The following RIT2 variants were observed in gnomAD, a reference collection of about 807,000 sequenced individuals.
The protein encoded by RIT2 is GTP-binding protein Rit2.
In RIT2, 24 loss-of-function variants were observed where a neutral mutation model predicts 23.7. That is an observed-to-expected ratio of 1.01 (90% confidence interval 0.73 to 1.43). The LOEUF (loss-of-function observed/expected upper bound fraction) is 1.43, where lower values mean the gene tolerates loss of function less well. Among genes scored for constraint, RIT2 ranks in the 40% most tolerant of loss-of-function variants. RIT2 has a pLI of 0.00. For missense variants in RIT2, 236 were observed against 266.9 expected (o/e 0.88, Z 0.81); for synonymous variants, 107 against 91.1 (o/e 1.17, Z -0.99).
At chr18:42,814,106 C>T (rs1376612917) in intron 4 of RIT2, among the ~76,000 whole-genome samples, 1 of 152,146 alleles carries the variant, frequency 6.6e-6, no homozygotes, top group Non-Finnish European at 1.5e-5. Flanking sequence ...TTCTGCCTGG[C>T]CTTACAGGGG....
chr18:43,071,671 A>G (rs910081783), intron 1 of RIT2, among the ~76,000 whole-genome samples: 10 of 152,148 alleles, frequency 6.6e-5, no homozygotes, highest in Non-Finnish European at 1.3e-4. Flanking sequence ...ATCTTATCCA[A>G]TGTGTGCTTA....
intron 4 of RIT2, among the ~76,000 whole-genome samples, chr18:42,770,105 A>G (rs1913517005): frequency 6.6e-6 from 1 of 152,030 alleles, no homozygotes; most frequent in Non-Finnish European, 1.5e-5. Flanking sequence ...AGGGTCAAGA[A>G]TTGGTGTTTG....
At chr18:43,029,219 G>T (rs1172229288) in intron 2 of RIT2, among the ~76,000 whole-genome samples, 1 of 151,978 alleles carries the variant, frequency 6.6e-6, no homozygotes, top group Non-Finnish European at 1.5e-5. Flanking sequence ...AGAGTATTAT[G>T]CAGTTTTCAT....
chr18:42,931,871 T>C (rs1466200186), intron 3 of RIT2, among the ~76,000 whole-genome samples: 2 of 152,132 alleles, frequency 1.3e-5, no homozygotes, highest in African/African-American at 2.4e-5. Context: ...CAGTTGCTAA[T>C]TGATTTAGAG....
intron 1 of RIT2, among the ~76,000 whole-genome samples, chr18:43,052,158 A>AT (rs1268757453): frequency 6.6e-6 from 1 of 152,082 alleles, no homozygotes; most frequent in Non-Finnish European, 1.5e-5. Flanking sequence ...ACGACAACTT[A>AT]TTTTCCTTCT....
intron 4 of RIT2, among the ~76,000 whole-genome samples, chr18:42,854,314 T>C (rs1907129510): frequency 6.6e-6 from 1 of 152,174 alleles, no homozygotes; most frequent in Non-Finnish European, 1.5e-5. Flanking sequence ...ATTATATTAT[T>C]CACATTATAT....
intron 4 of RIT2, among the ~76,000 whole-genome samples, chr18:42,915,217 C>T (rs1908876731): frequency 6.6e-6 from 1 of 151,546 alleles, no homozygotes; most frequent in Admixed American, 6.6e-5. Flanking sequence ...CAGCCAGAGC[C>T]TAACTGCTGA....
At chr18:43,062,751 CAT>C (rs1047026185) in intron 1 of RIT2, among the ~76,000 whole-genome samples, 69 of 152,178 alleles carry the variant, frequency 4.5e-4, no homozygotes, top group African/African-American at 1.6e-3. Context: ...AAAATGACCA[CAT>C]GTTTAAGTAT....
intron 1 of RIT2, among the ~76,000 whole-genome samples, chr18:43,105,559 A>C (rs1466911949): frequency 6.6e-6 from 1 of 151,106 alleles, no homozygotes; most frequent in Non-Finnish European, 1.5e-5. Flanking sequence ...GGGCAATATA[A>C]TCTATAGTTT....
At chr18:43,080,447 T>C (rs935115098) in intron 1 of RIT2, among the ~76,000 whole-genome samples, 1 of 152,198 alleles carries the variant, frequency 6.6e-6, no homozygotes, top group Non-Finnish European at 1.5e-5. Context: ...TTGTGCAACA[T>C]TTGGATGTTT....
chr18:42,933,216 T>C (rs769001085), intron 3 of RIT2, among the ~76,000 whole-genome samples: 16 of 152,150 alleles, frequency 1.1e-4, no homozygotes, highest in Non-Finnish European at 1.9e-4. Context: ...AGCAAGCTTC[T>C]AATAGTAAAG....
intron 4 of RIT2, among the ~76,000 whole-genome samples, chr18:42,821,832 C>CA: frequency 6.6e-6 from 1 of 152,234 alleles, no homozygotes; most frequent in East Asian, 1.9e-4. Flanking sequence ...AAAAGGAACA[C>CA]AGTTCCTAAC....
At chr18:42,916,116 T>C (rs369844266) in intron 4 of RIT2, among the ~76,000 whole-genome samples, 17 of 152,062 alleles carry the variant, frequency 1.1e-4, no homozygotes, top group African/African-American at 4.1e-4. Context: ...CCAGCTAATT[T>C]GTTAAAATAG....
chr18:42,788,876 T>G (rs1244711226), intron 4 of RIT2, among the ~76,000 whole-genome samples: 1 of 152,176 alleles, frequency 6.6e-6, no homozygotes, highest in Non-Finnish European at 1.5e-5. Flanking sequence ...CCCAAGTGCT[T>G]TTCCTGTGGA....
intron 2 of RIT2, among the ~76,000 whole-genome samples, chr18:42,988,217 A>T (rs1910758708): frequency 6.6e-6 from 1 of 151,528 alleles, no homozygotes; most frequent in South Asian, 2.1e-4. Flanking sequence ...ACTTTACTTT[A>T]AAAAAAAAGT....
chr18:42,959,598 A>G (rs1910051511), intron 3 of RIT2, among the ~76,000 whole-genome samples: 2 of 152,248 alleles, frequency 1.3e-5, no homozygotes, highest in South Asian at 4.1e-4. Context: ...TGGAGGGCCC[A>G]GGCTAGTATG....
chr18:43,082,266 C>G (rs896919647), intron 1 of RIT2, among the ~76,000 whole-genome samples: 2 of 151,896 alleles, frequency 1.3e-5, no homozygotes, highest in African/African-American at 4.8e-5. Flanking sequence ...TTTATTGTGT[C>G]TATTGGATTC....
At chr18:42,821,088 G>A in intron 4 of RIT2, among the ~76,000 whole-genome samples, 1 of 152,108 alleles carries the variant, frequency 6.6e-6, no homozygotes, top group East Asian at 1.9e-4. Flanking sequence ...AGATGCCAGT[G>A]CCATGCTTTC....
intron 1 of RIT2, among the ~76,000 whole-genome samples, chr18:43,081,147 C>G (rs117557186): frequency 0.05 from 7,604 of 152,126 alleles, 236 homozygotes; most frequent in South Asian, 0.13. Context: ...ACATATAGAT[C>G]TATTAATGGA....
Sources: gnomAD v4.1 joint callset for allele counts (sites outside exome capture counted in the v4.1 genomes callset) on GRCh38, gnomAD v4.1.1 for gene constraint, MANE v1.5 for transcripts, NCBI Gene and HGNC (gene_info 2026-07-23, HGNC 2026-07-21) for gene names.